The following MYCT1 variants were observed in gnomAD, a reference collection of about 807,000 sequenced individuals.
The protein encoded by MYCT1 is MYC target 1.
In MYCT1, 12 loss-of-function variants were observed where a neutral mutation model predicts 15.0. The ratio of observed to expected loss-of-function variants is 0.80; its 90% CI spans 0.51 to 1.29. The LOEUF is 1.29. MYCT1 is among the 50% of genes most tolerant of loss of function. MYCT1 has a pLI of 0.00. For missense variants in MYCT1, 287 were observed against 279.1 expected, an observed-to-expected ratio of 1.03 and a Z score of -0.20; for synonymous variants, 104 against 102.7, an observed-to-expected ratio of 1.01 and a Z score of -0.07.
chr6:152,703,088 C>T (rs996022307), intron 1 of MYCT1, among the ~76,000 whole-genome samples: 2 of 152,142 alleles, frequency 1.3e-5, no homozygotes, highest in East Asian at 1.9e-4. Context: ...CCTTGTAAAA[C>T]AAATTGGGAC....
At chr6:152,702,884 T>C (rs912374967) in intron 1 of MYCT1, among the ~76,000 whole-genome samples, 3 of 152,200 alleles carry the variant, frequency 2.0e-5, no homozygotes, top group African/African-American at 2.4e-5. Context: ...TCAGAATTAC[T>C]AAGAATTATG....
chr6:152,702,427 A>C (rs1180471619), intron 1 of MYCT1, among the ~76,000 whole-genome samples: 1 of 152,210 alleles, frequency 6.6e-6, no homozygotes, highest in African/African-American at 2.4e-5. Flanking sequence ...TTAAATGTGA[A>C]GTATTGACTT....
In MYCT1 at chr6:152,698,048, T is replaced by C. The variant is rs753446011; in HGVS notation, c.146T>C (p.Met49Thr). The C allele has an allele frequency of 1.2e-6, 2 of 1,608,012 alleles. No homozygotes were observed. The highest frequency in any genetic ancestry group is 1.1e-5 in the South Asian group (1 of 89,460). Residue 49 changes from methionine to threonine, a missense_variant, in exon 1 of 2, where the codon ATG becomes ACG. Physicochemically the swap from Met to Thr is moderately conservative, Grantham distance 81. Transcript: ENST00000367245. ...TTTCTTCTATTTCTTGTGGATATTA[T>C]GGCTAATAACACAACAAGTTTAGGG... is the stretch of plus-strand genomic sequence containing the variant. ...LLFLLFLVDIMANNTTSLGSP... is the reference protein window; with the variant it reads ...LLFLLFLVDITANNTTSLGSP...
intron 1 of MYCT1, among the ~76,000 whole-genome samples, chr6:152,714,950 C>G (rs930294440): frequency 6.6e-6 from 1 of 151,994 alleles, no homozygotes; most frequent in Non-Finnish European, 1.5e-5. Flanking sequence ...GAGGTCTGGT[C>G]TTTCTCCTGT....
the MYCT1 span, among the ~76,000 whole-genome samples, chr6:152,745,110 A>C: frequency 6.6e-6 from 1 of 152,098 alleles, no homozygotes; most frequent in Non-Finnish European, 1.5e-5. Flanking sequence ...TCTAGGACAA[A>C]TCTCAAAGTT....
the MYCT1 span, among the ~76,000 whole-genome samples, chr6:152,745,377 C>T: frequency 2.6e-5 from 4 of 152,248 alleles, no homozygotes; most frequent in East Asian, 7.7e-4. Context: ...GCAGGAGGAT[C>T]ACTTGAGCTC....
At chr6:152,745,172 G>C in the MYCT1 span, among the ~76,000 whole-genome samples, 4 of 152,148 alleles carry the variant, frequency 2.6e-5, no homozygotes, top group Non-Finnish European at 2.9e-5. Context: ...CACTAAGTAG[G>C]ATATAGGGTC....
chr6:152,701,955 A>G (rs1245085526), intron 1 of MYCT1, among the ~76,000 whole-genome samples: 2 of 152,204 alleles, frequency 1.3e-5, no homozygotes, highest in East Asian at 1.9e-4. Context: ...CAGTAACACT[A>G]TGTCCCCTGC....
chr6:152,739,625 C>T, the MYCT1 span, among the ~76,000 whole-genome samples: 1 of 151,912 alleles, frequency 6.6e-6, no homozygotes, highest in Non-Finnish European at 1.5e-5. Context: ...ATTTTCTATT[C>T]ATATCGTTTC....
chr6:152,716,741 C>T lies in MYCT1; in HGVS notation c.197-5001C>T, dbSNP rs547028855. ...CATCTACTTGCTAGTTTTGTAGGTA[C>T]GTATTACAAATTAGGATGACATATA... On this transcript the variant is annotated intron_variant, in intron 1 of 1. Coordinates refer to ENST00000367245, the MANE Select transcript of MYCT1 (RefSeq NM_025107.3). Among the ~76,000 whole-genome samples the T allele has an allele frequency of 4.6e-5, 7 of 152,132 alleles. No homozygotes were observed. The South Asian group carries it at 1.0e-3, about 23-fold the overall frequency.
In MYCT1 at chr6:152,721,099, CAAG is replaced by C. The variant is rs2099724615; in HGVS notation, c.197-640_197-638del. Among the ~76,000 whole-genome samples, 5 of 152,070 alleles carry C rather than the reference CAAG, an allele frequency of 3.3e-5. No homozygotes were observed. In the South Asian group the frequency reaches 8.3e-4, roughly 25 times the overall value. ...GAAGCATGAGCTGGAACCTGGGAAA[CAAG>C]AAAGAGCCCAGTAGTCTGCACAGGT... On this transcript the variant is annotated intron_variant, in intron 1 of 1. Coordinates refer to ENST00000367245, the MANE Select transcript of MYCT1 (RefSeq NM_025107.3).
At chr6:152,716,135 C>T (rs901870302) in intron 1 of MYCT1, among the ~76,000 whole-genome samples, 2 of 152,084 alleles carry the variant, frequency 1.3e-5, no homozygotes, top group Non-Finnish European at 2.9e-5. Context: ...TCAGTGAAGT[C>T]GCAGAGTGGG....
chr6:152,728,343 G>A (rs2099726016), downstream of MYCT1, among the ~76,000 whole-genome samples: 1 of 152,114 alleles, frequency 6.6e-6, no homozygotes, highest in Non-Finnish European at 1.5e-5. Context: ...GAATCTGAGA[G>A]TATAGGACTG....
chr6:152,713,153 C>T (rs957710636), intron 1 of MYCT1, among the ~76,000 whole-genome samples: 4 of 151,752 alleles, frequency 2.6e-5, no homozygotes, highest in African/African-American at 7.3e-5. Context: ...TTAAGTTGGC[C>T]GATTCTTTTC....
At chr6:152,729,175 C>T (rs993323533), downstream of MYCT1, among the ~76,000 whole-genome samples, 2 of 152,186 alleles carry the variant, frequency 1.3e-5, no homozygotes, top group African/African-American at 2.4e-5. Flanking sequence ...ATCTGAAAAC[C>T]GCTATAAAAA....
the MYCT1 span, among the ~76,000 whole-genome samples, chr6:152,738,730 G>A: frequency 6.6e-6 from 1 of 152,008 alleles, no homozygotes; most frequent in African/African-American, 2.4e-5. Context: ...CAACCCAAAT[G>A]GATTAGCACA....
At chr6:152,718,179 G>A (rs2099724073) in intron 1 of MYCT1, among the ~76,000 whole-genome samples, 1 of 151,998 alleles carries the variant, frequency 6.6e-6, no homozygotes, top group African/African-American at 2.4e-5. Context: ...TAGTTTTAGT[G>A]CCACAAAAAT....
At chr6:152,736,313 A>T in the MYCT1 span, among the ~76,000 whole-genome samples, 3 of 152,324 alleles carry the variant, frequency 2.0e-5, no homozygotes, top group Non-Finnish European at 4.4e-5. Context: ...TACCCTTAGG[A>T]TAAATACAGC....
chr6:152,737,282 C>T, the MYCT1 span, among the ~76,000 whole-genome samples: 45 of 151,568 alleles, frequency 3.0e-4, no homozygotes, highest in East Asian at 5.4e-3. Context: ...GAAGTAGAAG[C>T]TTCTTAAGGT....
Sources: gnomAD v4.1 joint callset for allele counts (sites outside exome capture counted in the v4.1 genomes callset) on GRCh38, gnomAD v4.1.1 for gene constraint, MANE v1.5 for transcripts, NCBI Gene and HGNC (gene_info 2026-07-23, HGNC 2026-07-21) for gene names.